Variants in FAR1 observed in about 807,000 individuals in gnomAD.
FAR1 encodes the protein fatty acyl-CoA reductase 1.
In FAR1, 22 loss-of-function variants were observed where a neutral mutation model predicts 61.1. That is an observed-to-expected ratio of 0.36 (90% CI 0.26 to 0.51). The LOEUF (loss-of-function observed/expected upper bound fraction) is 0.51. Among genes scored for constraint, FAR1 ranks in the 20% least tolerant of loss-of-function variants. The probability of loss-of-function intolerance (pLI) is 0.95; values close to 1 mark genes in which losing one functional copy is unlikely to be tolerated. For missense variants in FAR1, 359 were observed against 626.9 expected (o/e 0.57, Z 4.56); for synonymous variants, 206 against 209.7 (o/e 0.98, Z 0.15).
At chr11:13,685,471 G>C (rs1232698228) in intron 1 of FAR1, 2 of 215,674 alleles carry the variant, frequency 9.3e-6, no homozygotes, top group African/African-American at 4.6e-5. Context: ...CATAGCATAA[G>C]TATGTGTGCC....
chr11:13,692,710 CTA>C, intron 1 of FAR1, among the ~76,000 whole-genome samples: 1 of 152,020 alleles, frequency 6.6e-6, no homozygotes, highest in Non-Finnish European at 1.5e-5. Context: ...TTTTAATAGT[CTA>C]TTTATTTACT....
chr11:13,689,586 C>T (rs1281728328), intron 1 of FAR1, among the ~76,000 whole-genome samples: 1 of 152,138 alleles, frequency 6.6e-6, no homozygotes, highest in South Asian at 2.1e-4. Context: ...AAAAATGGTG[C>T]TGTTATAACC....
At chr11:13,698,626 C>T (rs562846501) in intron 2 of FAR1, among the ~76,000 whole-genome samples, 36 of 152,154 alleles carry the variant, frequency 2.4e-4, no homozygotes, top group African/African-American at 7.2e-5. Flanking sequence ...GTCAGGAGAT[C>T]GACACCATCC....
At chr11:13,672,272 C>T (rs535318125) in intron 1 of FAR1, among the ~76,000 whole-genome samples, 1 of 151,910 alleles carries the variant, frequency 6.6e-6, no homozygotes, top group Admixed American at 6.6e-5. Flanking sequence ...ATCATGGATG[C>T]TTTAAAATGC....
intron 3 of FAR1, among the ~76,000 whole-genome samples, chr11:13,701,318 G>T (rs954007396): frequency 6.6e-6 from 1 of 152,054 alleles, no homozygotes; most frequent in Non-Finnish European, 1.5e-5. Flanking sequence ...TGTTTAAGAT[G>T]ATAGATGTGC....
chr11:13,690,868 GTTGT>G (rs1357648319), intron 1 of FAR1, among the ~76,000 whole-genome samples: 1 of 152,126 alleles, frequency 6.6e-6, no homozygotes, highest in Non-Finnish European at 1.5e-5. Context: ...TTATTTAGGT[GTTGT>G]TTAATTTCTG....
intron 10 of FAR1, among the ~76,000 whole-genome samples, chr11:13,725,525 A>G (rs1193701431): frequency 6.6e-6 from 1 of 152,174 alleles, no homozygotes; most frequent in Admixed American, 6.5e-5. Flanking sequence ...CAAGTATTTG[A>G]AAAGATACTC....
At position 13,732,229 on chromosome 11, in the gene FAR1, AG is replaced by A. The variant is rs1446938871; in HGVS notation, c.*3456del. ...TCTTTTTTCCTGGTGGTACCCTCTT[AG>A]CATATATCTTTGCTATCCTTAAGAT... On this transcript the variant is annotated 3_prime_UTR_variant, in exon 12 of 12. Coordinates refer to ENST00000354817, the MANE Select transcript of FAR1 (RefSeq NM_032228.6). 2.6e-5 allele frequency: 4 copies of A among 152,114 alleles called. No homozygotes were observed. Among genetic ancestry groups the A allele is most frequent in the Non-Finnish European group, 5.9e-5 (4 of 68,002 alleles). 9.4% of individuals were successfully genotyped at this position (152,114 alleles called of 1,614,324 possible).
intron 3 of FAR1, among the ~76,000 whole-genome samples, chr11:13,707,476 C>T (rs1049397619): frequency 2.6e-5 from 4 of 152,258 alleles, no homozygotes; most frequent in African/African-American, 9.6e-5. Context: ...TTATTAGTGA[C>T]TCTACGTTAA....
At chr11:13,691,694 A>G (rs550448362) in intron 1 of FAR1, among the ~76,000 whole-genome samples, 1 of 152,322 alleles carries the variant, frequency 6.6e-6, no homozygotes, top group Admixed American at 6.5e-5. Flanking sequence ...TGTAGTAAGT[A>G]TCAGAACTTT....
intron 2 of FAR1, among the ~76,000 whole-genome samples, chr11:13,698,059 A>G (rs74541360): frequency 0.012 from 1,886 of 152,268 alleles, 38 homozygotes; most frequent in African/African-American, 0.042. Flanking sequence ...AGTAAAATCT[A>G]TGTTGATAGT....
chr11:13,720,159 G>A (rs878897036), intron 9 of FAR1: 1 of 152,096 alleles, frequency 6.6e-6, no homozygotes, highest in Admixed American at 6.5e-5. Flanking sequence ...CTGAATTACT[G>A]ATTGATGTTA....
At chr11:13,676,316 G>A (rs1007104298) in intron 1 of FAR1, among the ~76,000 whole-genome samples, 12 of 152,152 alleles carry the variant, frequency 7.9e-5, no homozygotes, top group African/African-American at 2.4e-4. Context: ...TTTATTTATG[G>A]CTCCTGTCCA....
intron 1 of FAR1, among the ~76,000 whole-genome samples, chr11:13,676,429 G>C (rs1478668200): frequency 6.6e-6 from 1 of 151,990 alleles, no homozygotes; most frequent in African/African-American, 2.4e-5. Flanking sequence ...TGTGTCCTTA[G>C]GCAGTTAAGA....
intron 1 of FAR1, among the ~76,000 whole-genome samples, chr11:13,675,575 A>G (rs180934268): frequency 9.2e-5 from 14 of 152,290 alleles, no homozygotes; most frequent in Admixed American, 9.2e-4. Context: ...ATTAGGACAC[A>G]CTACTTTGTG....
chr11:13,670,889 T>G (rs1018248397), intron 1 of FAR1, among the ~76,000 whole-genome samples: 1 of 152,146 alleles, frequency 6.6e-6, no homozygotes, highest in Non-Finnish European at 1.5e-5. Flanking sequence ...CCAGTGTATT[T>G]AAATGGGAGA....
At chr11:13,707,744 T>A (rs1211102137) in intron 3 of FAR1, among the ~76,000 whole-genome samples, 156 bp from the exon 4 acceptor site, 2 of 152,000 alleles carry the variant, frequency 1.3e-5, no homozygotes, top group Non-Finnish European at 2.9e-5. Context: ...AAACATTTAA[T>A]ATGGAAATAA....
intron 11 of FAR1, 118 bp from the exon 12 acceptor site, chr11:13,728,492 TAA>T (rs1336631763): frequency 2.2e-6 from 2 of 896,876 alleles, no homozygotes; most frequent in African/African-American, 3.3e-5. Flanking sequence ...ATGCCTATCA[TAA>T]GTTTCAAATT....
chr11:13,680,180 G>T lies in FAR1; in HGVS notation c.-8+11374G>T, dbSNP rs1022004264. On this transcript the variant is annotated intron_variant, in intron 1 of 11. Coordinates refer to ENST00000354817, the MANE Select transcript of FAR1 (RefSeq NM_032228.6). ...GGAAAAAGGAACCCACTGTTATTAG[G>T]AGCTTGACTACACTAAATAATTTGT... is the stretch of plus-strand genomic sequence containing the variant. Among the ~76,000 whole-genome samples the T allele has an allele frequency of 2.6e-5, 4 of 152,302 alleles. No individual in the cohort carries two copies. In the East Asian group the frequency reaches 7.7e-4, roughly 29 times the overall value.
Sources: allele counts gnomAD v4.1 joint callset (sites outside exome capture counted in the v4.1 genomes callset), GRCh38; gene constraint gnomAD v4.1.1; transcripts MANE v1.5; gene names NCBI Gene and HGNC (gene_info 2026-07-23, HGNC 2026-07-21).